Variants in PHLDB1 observed in about 807,000 individuals in gnomAD.
The protein encoded by PHLDB1 is pleckstrin homology-like domain family B member 1.
In PHLDB1, 65 loss-of-function variants were observed where a neutral mutation model predicts 139.3. That is an observed-to-expected ratio of 0.47 (90% CI 0.38 to 0.57). The LOEUF is 0.57. Among genes scored for constraint, PHLDB1 ranks in the 20% least tolerant of loss-of-function variants. PHLDB1 has a pLI of 0.00. For synonymous variants in PHLDB1, 679 were observed against 734.5 expected (o/e 0.92, Z 1.22); for missense variants, 1,624 against 1,839.7 (o/e 0.88, Z 2.14).
rs1046816550 is a variant in PHLDB1 at position 118,610,505 on chromosome 11, A to T, written c.-22+2806A>T. On this transcript the variant is annotated intron_variant, in intron 1 of 22. Transcript: ENST00000600882. The surrounding 1 kb of genome is among the most constrained non-coding windows in gnomAD (Gnocchi z 8.7). ...CCATGCACCGCTTGGGCCGAGGCCG[A>T]GGCCGACCCCCAGGGACACAGGTGA... The T allele has an allele frequency of 2.5e-5, 5 of 202,150 alleles. No individual in the cohort carries two copies. Among genetic ancestry groups the T allele is most frequent in the Non-Finnish European group, 3.4e-5 (4 of 119,014 alleles). 12.5% of individuals were successfully genotyped at this position (202,150 alleles called of 1,614,324 possible). A position where few individuals can be genotyped will look rare whatever the true frequency, so the allele number is the denominator to read the frequency against.
At position 118,620,544 on chromosome 11, in the gene PHLDB1, C is replaced by T. The variant is rs1942569417; in HGVS notation, c.355+4333C>T. Among the ~76,000 whole-genome samples the T allele has an allele frequency of 6.6e-6, 1 of 152,178 alleles. No homozygotes were observed. The highest frequency in any genetic ancestry group is 6.5e-5 in the Admixed American group (1 of 15,274). ...ACACCTGCCTGACTCAGAATCTCAG[C>T]CTGACTTTGCGGGCTCCAGATATCT... is the stretch of plus-strand genomic sequence containing the variant. On this transcript the variant is annotated intron_variant, in intron 4 of 22. Transcript: ENST00000600882. This position sits in a 1 kb window ranked among gnomAD's most constrained non-coding sequence, Gnocchi z 4.1.
At chr11:118,647,759 A>T (rs1947746892) in intron 17 of PHLDB1, 171 bp from the exon 18 acceptor site, 1 of 650,988 alleles carries the variant, frequency 1.5e-6, no homozygotes, top group Non-Finnish European at 2.6e-6. Flanking sequence ...TGCTTAAAGC[A>T]TTTCTCTTTA....
rs1555126162 is a variant in PHLDB1, at chr11:118,645,361, C to G, written c.3127C>G (p.Gln1043Glu). 2 of 1,518,090 alleles carry G rather than the reference C, an allele frequency of 1.3e-6. No individual in the cohort carries two copies. Among genetic ancestry groups the G allele is most frequent in the Non-Finnish European group, 1.8e-6 (2 of 1,132,934 alleles). 94.0% of individuals were successfully genotyped at this position (1,518,090 alleles called of 1,614,324 possible). ...RQLALQQKGQ[Q>E]VIEEQRRRLA... The stretch of plus-strand genomic sequence containing the variant: ...CCCATCTGTCTCTCCTTCAGGACAA[C>G]AAGTGATTGAAGAGCAGCGGCGGCG... Residue 1043 changes from glutamine (Q) to glutamate (E), a missense_variant, in exon 16 of 23, where the codon CAA becomes GAA. Gln to Glu is a conservative substitution (Grantham distance 29). Transcript: ENST00000600882. This position sits in a 1 kb window ranked among gnomAD's most constrained non-coding sequence, Gnocchi z 5.1.
chr11:118,644,273 T>G (rs1186940352), intron 15 of PHLDB1, 99 bp downstream of exon 15: 3 of 830,668 alleles, frequency 3.6e-6, no homozygotes, highest in Non-Finnish European at 5.8e-6. Flanking sequence ...ATGTTTTTCC[T>G]TTAATTGGGA....
Position 118,627,940 on chromosome 11 carries a change from A to C in PHLDB1, c.1117A>C (p.Ser373Arg). 6.2e-7 allele frequency: 1 copy of C among 1,613,396 alleles called. No homozygotes were observed. Among genetic ancestry groups the C allele is most frequent in the Non-Finnish European group, 8.5e-7 (1 of 1,180,000 alleles). ...TGAATACCCAGCTTCTGGTGCTCTCAGTCAACCCACCAGCATTCCTGGCAG... is the reference window on the plus strand; with the variant it reads ...TGAATACCCAGCTTCTGGTGCTCTCCGTCAACCCACCAGCATTCCTGGCAG... The part of the protein sequence containing the change: ...LSEYPASGAL[S>R]QPTSIPGSPK... Residue 373 changes from serine to arginine, a missense_variant, in exon 6 of 23, where the codon AGT becomes CGT. Transcript: ENST00000600882.
rs782001200 is a variant in PHLDB1, at chr11:118,650,108, G to A, written c.3686G>A (p.Arg1229Gln). 45 of 1,614,164 alleles carry A rather than the reference G, an allele frequency of 2.8e-5. No homozygotes were observed. Among genetic ancestry groups the A allele is most frequent in the Middle Eastern group, 1.6e-4 (1 of 6,062 alleles). Reference sequence around the variant, plus strand: ...CCCCTGACCCGCTACCTGCCAATCCGGAAGGAGGACTTTGACCTGAAGACA... The same window carrying A: ...CCCCTGACCCGCTACCTGCCAATCCAGAAGGAGGACTTTGACCTGAAGACA... ...ARPLTRYLPI[R>Q]KEDFDLKTHI... is the part of the protein sequence containing the mutation. The change falls in exon 19 of 23, where the codon CGG (arginine) becomes CAG (glutamine). Residue 1229 changes from arginine to glutamine, a missense_variant. Transcript: ENST00000600882. This position sits in a 1 kb window ranked among gnomAD's most constrained non-coding sequence, Gnocchi z 4.7.
chr11:118,610,598 C>A lies in PHLDB1; in HGVS notation c.-22+2899C>A. On this transcript the variant is annotated intron_variant, in intron 1 of 22. Coordinates refer to ENST00000600882, the MANE Select transcript of PHLDB1 (RefSeq NM_001144758.3). This position sits in a 1 kb window ranked among gnomAD's most constrained non-coding sequence, Gnocchi z 8.7. Reference sequence around the variant, plus strand: ...GCCCCGCGAAGGGCCGGGTCTGGTGCTCTGGGGCTGGCTTTGGACCTCTCG... The same window carrying A: ...GCCCCGCGAAGGGCCGGGTCTGGTGATCTGGGGCTGGCTTTGGACCTCTCG... 2.1e-6 allele frequency: 1 copy of A among 483,420 alleles called. No homozygotes were observed. The highest frequency in any genetic ancestry group is 2.7e-6 in the Non-Finnish European group (1 of 370,656). The allele number at this position is 483,420 out of a possible 1,614,324, so 29.9% of individuals were successfully genotyped here.
At chr11:118,613,010 T>C (rs553810903) in intron 1 of PHLDB1, 131 of 152,020 alleles carry the variant, frequency 8.6e-4, no homozygotes, top group Non-Finnish European at 1.5e-3. Context: ...TGAGGGGCAG[T>C]GGGGTGGTGG....
In PHLDB1 at chr11:118,657,033, G is replaced by A. The variant is rs1949144689; in HGVS notation, c.*210G>A. 6.3e-6 allele frequency: 3 copies of A among 476,148 alleles called. No homozygotes were observed. Among genetic ancestry groups the A allele is most frequent in the Non-Finnish European group, 1.1e-5 (3 of 267,088 alleles). The allele number at this position is 476,148 out of a possible 1,614,324, so 29.5% of individuals were successfully genotyped here. ...TCCTGCCCCAGGCCCAGCCAGGGCT[G>A]AGGAGCTGTCACAGAGAGGGCCTCA... On this transcript the variant is annotated 3_prime_UTR_variant, in exon 23 of 23. Coordinates refer to ENST00000600882, the MANE Select transcript of PHLDB1 (RefSeq NM_001144758.3).
Position 118,630,399 on chromosome 11 carries a change from A to G in PHLDB1, c.1828-808A>G, listed in dbSNP as rs376460375. 2.6e-5 allele frequency among the ~76,000 whole-genome samples: 4 copies of G among 152,208 alleles called. No individual in the cohort carries two copies. The East Asian group carries it at 7.7e-4, about 29-fold the overall frequency. On this transcript the variant is annotated intron_variant, in intron 6 of 22. Transcript: ENST00000600882. ...ACTCACTCATGGGCCTGGGCATTCA[A>G]GGACTGGCAGCAGCCCATCCTGCTG...
At chr11:118,627,256 T>C (rs374047185) in intron 5 of PHLDB1, 49 bp from the exon 6 acceptor site, 16 of 1,592,438 alleles carry the variant, frequency 1.0e-5, no homozygotes, top group African/African-American at 8.2e-5. Context: ...CTCTGGCTTT[T>C]ATGCATATGC....
At chr11:118,623,688 A>ACC (rs61664726) in intron 4 of PHLDB1, among the ~76,000 whole-genome samples, 28 of 150,480 alleles carry the variant, frequency 1.9e-4, no homozygotes, top group East Asian at 1.8e-3. Context: ...CAAATTCAGG[A>ACC]CCCCCCCGGT....
In PHLDB1 at chr11:118,643,825, A is replaced by T. The variant is rs782306921; in HGVS notation, c.2903A>T (p.Glu968Val). The change falls in exon 14 of 23, where the codon GAG becomes GTG. Residue 968 changes from glutamate (E) to valine (V), a missense_variant. Coordinates refer to ENST00000600882, the MANE Select transcript of PHLDB1 (RefSeq NM_001144758.3). The stretch of plus-strand genomic sequence containing the variant: ...GTTTACCGCTCCAAGATGGATGGCG[A>T]GGCCACCAGCCCCCTTCCCCGGACC... ...LQVYRSKMDG[E>V]ATSPLPRTRS... 18 of 1,614,088 alleles carry T rather than the reference A, an allele frequency of 1.1e-5. No individual in the cohort carries two copies. Among genetic ancestry groups the T allele is most frequent in the Non-Finnish European group, 1.4e-5 (17 of 1,179,998 alleles).
chr11:118,625,167 G>C, intron 5 of PHLDB1, 108 bp downstream of exon 5: 1 of 1,323,082 alleles, frequency 7.6e-7, no homozygotes, highest in Non-Finnish European at 1.0e-6. Flanking sequence ...CAATACCTAA[G>C]GTCTGGGCTC....
Position 118,632,229 on chromosome 11 carries a change from A to G in PHLDB1, c.2312A>G (p.Lys771Arg). 1 of 1,614,078 alleles carries G rather than the reference A, an allele frequency of 6.2e-7. No individual in the cohort carries two copies. Among genetic ancestry groups the G allele is most frequent in the Non-Finnish European group, 8.5e-7 (1 of 1,180,024 alleles). The change falls in exon 9 of 23, where the codon AAG (lysine) becomes AGG (arginine). Residue 771 changes from lysine to arginine, a missense_variant. By Grantham distance (26) the Lys-to-Arg change is conservative. Coordinates refer to ENST00000600882, the MANE Select transcript of PHLDB1 (RefSeq NM_001144758.3). This position sits in a 1 kb window ranked among gnomAD's most constrained non-coding sequence, Gnocchi z 5.9. ...CGGGCACTGCTGCAGAAGGAGCAGA[A>G]GGCAGTGGATCAGCTGCAGGAGAAG... Reference protein sequence around the residue: ...AERALLQKEQKAVDQLQEKLV... With the variant: ...AERALLQKEQRAVDQLQEKLV...
At position 118,608,384 on chromosome 11, in the gene PHLDB1, G is replaced by C. The variant is rs1360738186; in HGVS notation, c.-22+685G>C. On this transcript the variant is annotated intron_variant, in intron 1 of 22. Coordinates refer to ENST00000600882, the MANE Select transcript of PHLDB1 (RefSeq NM_001144758.3). This position sits in a 1 kb window ranked among gnomAD's most constrained non-coding sequence, Gnocchi z 6.7. ...ATTGGAATCCCTAGCGGAGTTCCCC[G>C]AGCGGAGGCTGACCCAAGTCATCCG... Among the ~76,000 whole-genome samples the C allele has an allele frequency of 1.3e-5, 2 of 152,150 alleles. No individual in the cohort carries two copies. Among genetic ancestry groups the C allele is most frequent in the Non-Finnish European group, 2.9e-5 (2 of 68,006 alleles).
At position 118,628,043 on chromosome 11, in the gene PHLDB1, G is replaced by A. The variant is rs548262817; in HGVS notation, c.1220G>A (p.Arg407His). Residue 407 changes from arginine (R) to histidine (H), a missense_variant, in exon 6 of 23, where the codon CGT becomes CAT. Coordinates refer to ENST00000600882, the MANE Select transcript of PHLDB1 (RefSeq NM_001144758.3). ...CAGGACCGCCCTCCCAGCCCTTTCC[G>A]TGAGCCTCCAGGCAGTGAGCGGGTG... is the stretch of plus-strand genomic sequence containing the variant. The part of the protein sequence containing the change: ...TLQDRPPSPF[R>H]EPPGSERVLT... The A allele has an allele frequency of 1.2e-5, 19 of 1,613,914 alleles. No individual in the cohort carries two copies. Among genetic ancestry groups the A allele is most frequent in the East Asian group, 8.9e-5 (4 of 44,862 alleles).
intron 4 of PHLDB1, 97 bp from the exon 5 acceptor site, chr11:118,624,837 C>A: frequency 1.5e-6 from 2 of 1,297,222 alleles, no homozygotes; most frequent in Non-Finnish European, 2.2e-6. Flanking sequence ...CTCCAACTCC[C>A]GACCTCAGGT....
At chr11:118,644,780 C>T in intron 15 of PHLDB1, 4 of 865,098 alleles carry the variant, frequency 4.6e-6, no homozygotes, top group Non-Finnish European at 6.5e-6. Flanking sequence ...GTCCCCACTG[C>T]CTGCAGGCAG....
Sources: gnomAD v4.1 joint callset for allele counts (sites outside exome capture counted in the v4.1 genomes callset) on GRCh38, gnomAD v4.1.1 for gene constraint, Gnocchi (gnomAD v3.1) non-coding constraint, MANE v1.5 for transcripts, NCBI Gene and HGNC (gene_info 2026-07-23, HGNC 2026-07-21) for gene names.